The following KIR3DL3 variants were observed in gnomAD, a reference collection of about 807,000 sequenced individuals.
The protein encoded by KIR3DL3 is killer cell immunoglobulin-like receptor 3DL3.
In KIR3DL3, 27 loss-of-function variants were observed where a neutral mutation model predicts 34.9. The observed-to-expected ratio is 0.77, with a 90% CI of 0.57 to 1.07. The LOEUF (loss-of-function observed/expected upper bound fraction) is 1.07. Ranked by LOEUF, KIR3DL3 falls within the 50% of genes least tolerant of loss-of-function variation. The pLI is 0.00. For missense variants in KIR3DL3, 681 were observed against 528.5 expected, an observed-to-expected ratio of 1.29 and a Z score of -2.83; for synonymous variants, 217 against 200.2, an observed-to-expected ratio of 1.08 and a Z score of -0.71.
chr19:54,734,772 A>G (rs600183), intron 5 of KIR3DL3, among the ~76,000 whole-genome samples: 22,971 of 121,660 alleles, frequency 0.19, 1,764 homozygotes, highest in Middle Eastern at 0.25. Flanking sequence ...GGCTGCTCCC[A>G]CTCTGGCAGA....
chr19:54,734,705 G>A (rs1409855619), intron 5 of KIR3DL3, among the ~76,000 whole-genome samples: 2 of 147,110 alleles, frequency 1.4e-5, no homozygotes, highest in African/African-American at 5.1e-5. Flanking sequence ...TTGCCTCACA[G>A]TTCTGCAGGC....
rs2069610212 is a variant in KIR3DL3, at chr19:54,736,309, T to C, written c.*213T>C. ...CACCACGAATCTGAACATGCCTCTC[T>C]CTTGCTTACAAATGTCTAAGGTCCC... On this transcript the variant is annotated 3_prime_UTR_variant, in exon 8 of 8. Coordinates refer to ENST00000291860, the MANE Select transcript of KIR3DL3 (RefSeq NM_153443.5). The C allele has an allele frequency of 7.6e-6, 5 of 661,458 alleles. No individual in the cohort carries two copies. The highest frequency in any genetic ancestry group is 2.5e-5 in the East Asian group (1 of 40,104). The allele number at this position is 661,458 out of a possible 1,614,324, so 41.0% of individuals were successfully genotyped here.
At chr19:54,730,306 C>T (rs2068663862) in intron 5 of KIR3DL3, among the ~76,000 whole-genome samples, 1 of 149,804 alleles carries the variant, frequency 6.7e-6, no homozygotes, top group East Asian at 2.0e-4. Context: ...GTAATCCCAA[C>T]ACTTTGAGAG....
rs2068390053 is a variant in KIR3DL3, at chr19:54,727,980, C to T, written c.655+70C>T. ...GTGAATGATCTAGGACTGGAAGCCC[C>T]AGGTGGTCATGAGGAAGATGAGTGT... On this transcript the variant is annotated intron_variant, in intron 4 of 7. Transcript: ENST00000291860. 4 of 1,472,314 alleles carry T rather than the reference C, an allele frequency of 2.7e-6. No individual in the cohort carries two copies. The South Asian group carries it at 5.2e-5, about 19-fold the overall frequency. 91.2% of individuals were successfully genotyped at this position (1,472,314 alleles called of 1,614,324 possible). A position where few individuals can be genotyped will look rare whatever the true frequency, so the allele number is the denominator to read the frequency against.
chr19:54,732,922 C>T (rs3815428), intron 5 of KIR3DL3, among the ~76,000 whole-genome samples: 47,188 of 151,752 alleles, frequency 0.31, 7,610 homozygotes, highest in East Asian at 0.5. Context: ...ACCTGATTAA[C>T]AGTGACCGAC....
In KIR3DL3 at chr19:54,729,757, C is replaced by A. The variant is rs1275765436; in HGVS notation, c.920C>A (p.Pro307Gln). ...GCCCTGCCCCATGCGTGGTCAGACC[C>A]GAGTGACCCACTGCCCGTTTCTGTC... is the stretch of plus-strand genomic sequence containing the variant. The part of the protein sequence containing the change: ...FRALPHAWSD[P>Q]SDPLPVSVTG... The change falls in exon 5 of 8, where the codon CCG (proline) becomes CAG (glutamine). Residue 307 changes from proline (P) to glutamine (Q), a missense_variant. Coordinates refer to ENST00000291860, the MANE Select transcript of KIR3DL3 (RefSeq NM_153443.5). 4 of 1,590,622 alleles carry A rather than the reference C, an allele frequency of 2.5e-6. No individual in the cohort carries two copies. Among genetic ancestry groups the A allele is most frequent in the Middle Eastern group, 1.7e-4 (1 of 5,990 alleles).
rs369801958 is a variant in KIR3DL3 at position 54,734,405 on chromosome 19, G to A, written c.950-848G>A. Reference sequence around the variant, plus strand: ...ACAACAGAAACCTACATTTCAATGTGAGCCAGTCCCTCAAGGCTCAGAAAA... The same window carrying A: ...ACAACAGAAACCTACATTTCAATGTAAGCCAGTCCCTCAAGGCTCAGAAAA... On this transcript the variant is annotated intron_variant, in intron 5 of 7. Coordinates refer to ENST00000291860, the MANE Select transcript of KIR3DL3 (RefSeq NM_153443.5). Among the ~76,000 whole-genome samples the A allele has an allele frequency of 3.0e-4, 45 of 151,146 alleles. 1 individual carries two copies. In the East Asian group the frequency reaches 7.3e-3, roughly 25 times the overall value.
At position 54,731,700 on chromosome 19, in the gene KIR3DL3, G is replaced by A. The variant is rs370087238; in HGVS notation, c.949+1914G>A. Among the ~76,000 whole-genome samples, 8 of 152,162 alleles carry A rather than the reference G, an allele frequency of 5.3e-5. No homozygotes were observed. The East Asian group carries it at 1.4e-3, about 26-fold the overall frequency. ...TCCAAGCAAGAATCTGCTCCTTAAC[G>A]TTTCCCAGCTCCTAGAGGCTCCCAC... is the stretch of plus-strand genomic sequence containing the variant. On this transcript the variant is annotated intron_variant, in intron 5 of 7. Transcript: ENST00000291860.
intron 4 of KIR3DL3, among the ~76,000 whole-genome samples, chr19:54,728,800 G>A (rs1004598589): frequency 5.3e-5 from 8 of 150,100 alleles, no homozygotes; most frequent in Non-Finnish European, 8.9e-5. Flanking sequence ...GAGAGACTGA[G>A]AGGCAGAGAA....
chr19:54,729,522 C>T lies in KIR3DL3; in HGVS notation c.685C>T (p.Gln229Ter), dbSNP rs2068571628. 18 of 1,606,504 alleles carry T rather than the reference C, an allele frequency of 1.1e-5. No individual in the cohort carries two copies. In the Admixed American group the frequency reaches 1.4e-4, roughly 12 times the overall value. The change falls in exon 5 of 8, where the codon CAG becomes TAG. Residue 229 changes from glutamine to a stop codon, truncating the protein, a stop_gained. Transcript: ENST00000291860. LOFTEE classifies it high-confidence loss of function. ...ATATGGGAAACCTTCTCTCTCAGCC[C>T]AGCCGGGCCCCACGGTTCAGGCAGG... Reference protein sequence around the residue: ...GLYGKPSLSAQPGPTVQAGEN... With the variant: ...GLYGKPSLSA
Position 54,726,250 on chromosome 19 carries a change from G to A in KIR3DL3, c.268G>A (p.Ala90Thr), listed in dbSNP as rs1035778348. The A allele has an allele frequency of 3.7e-6, 6 of 1,613,824 alleles. No homozygotes were observed. The African/African-American group carries it at 8.0e-5, about 22-fold the overall frequency. ...FLMGPVTPAH[A>T]GTYRCCSSHP... is the part of the protein sequence containing the mutation. ...CATGGGCCCTGTGACCCCAGCACAT[G>A]CAGGGACCTACAGATGTTGCAGTTC... The change falls in exon 3 of 8, where the codon GCA (alanine) becomes ACA (threonine). Residue 90 changes from alanine (A) to threonine (T), a missense_variant. Ala to Thr is a moderately conservative substitution (Grantham distance 58). Coordinates refer to ENST00000291860, the MANE Select transcript of KIR3DL3 (RefSeq NM_153443.5).
chr19:54,731,550 C>A (rs1286423549), intron 5 of KIR3DL3, among the ~76,000 whole-genome samples: 2 of 151,814 alleles, frequency 1.3e-5, no homozygotes, highest in Admixed American at 1.3e-4. Context: ...AACAAATTTC[C>A]ACAAGCTTCG....
At chr19:54,725,898 G>T (rs1328648776) in intron 2 of KIR3DL3, among the ~76,000 whole-genome samples, 155 bp from the exon 3 acceptor site, 11 of 152,070 alleles carry the variant, frequency 7.2e-5, no homozygotes, top group African/African-American at 2.2e-4. Context: ...GTAGGGAGAC[G>T]CCATGTCTAT....
At chr19:54,732,424 T>G (rs1326158477) in intron 5 of KIR3DL3, among the ~76,000 whole-genome samples, 11 of 51,332 alleles carry the variant, frequency 2.1e-4, no homozygotes, top group African/African-American at 1.3e-3. Context: ...CTAATTTTTT[T>G]GGTATATTTT....
chr19:54,729,606 A>T lies in KIR3DL3; in HGVS notation c.769A>T (p.Arg257Trp). 6.2e-7 allele frequency: 1 copy of T among 1,604,622 alleles called. No individual in the cohort carries two copies. Among genetic ancestry groups the T allele is most frequent in the East Asian group, 2.3e-5 (1 of 44,346 alleles). ...RSLFDIYHLS[R>W]EAEAGELRLT... ...CTTGTTTGACATTTACCATCTATCC[A>T]GGGAGGCGGAGGCCGGTGAACTTAG... Residue 257 changes from arginine (R) to tryptophan (W), a missense_variant, in exon 5 of 8, where the codon AGG (arginine) becomes TGG (tryptophan). Physicochemically the swap from Arg to Trp is moderately radical, Grantham distance 101. Transcript: ENST00000291860.
intron 5 of KIR3DL3, 32 bp downstream of exon 5, chr19:54,729,818 G>C: frequency 6.3e-7 from 1 of 1,581,794 alleles, no homozygotes; most frequent in Non-Finnish European, 8.6e-7. Context: ...CCCATGTCTT[G>C]TGATCCTAGA....
chr19:54,727,301 G>C (rs2068288750), intron 3 of KIR3DL3, among the ~76,000 whole-genome samples: 1 of 122,574 alleles, frequency 8.2e-6, no homozygotes, highest in Non-Finnish European at 1.8e-5. Flanking sequence ...CATGCAGCCT[G>C]TCATGGTTCC....
Position 54,731,904 on chromosome 19 carries a change from A to G in KIR3DL3, c.949+2118A>G, listed in dbSNP as rs377062359. 9.6e-3 allele frequency among the ~76,000 whole-genome samples: 1,461 copies of G among 152,272 alleles called. 34 individuals are homozygous for G. The highest frequency in any genetic ancestry group is 0.033 in the African/African-American group (1,357 of 41,552). On this transcript the variant is annotated intron_variant, in intron 5 of 7. Coordinates refer to ENST00000291860, the MANE Select transcript of KIR3DL3 (RefSeq NM_153443.5). ...TTGGGATTCTATTGGGGTCACCAAG[A>G]TAATCCATCTCAATCTCCCTAAAAT...
intron 1 of KIR3DL3, among the ~76,000 whole-genome samples, chr19:54,725,016 GAGATATGGGCCTGGAGTGT>G (rs1479615067): frequency 6.9e-5 from 10 of 144,376 alleles, no homozygotes; most frequent in African/African-American, 1.3e-4. Flanking sequence ...CCTGGAGGTG[GAGATATGGGCCTGGAGTGT>G]AGATATGGGC....
Sources: allele counts gnomAD v4.1 joint callset (sites outside exome capture counted in the v4.1 genomes callset), GRCh38; gene constraint gnomAD v4.1.1; transcripts MANE v1.5; gene names NCBI Gene and HGNC (gene_info 2026-07-23, HGNC 2026-07-21).